SORCS1: variants seen among roughly 807,000 people sequenced by gnomAD.
SORCS1 encodes the protein VPS10 domain-containing receptor SorCS1.
SORCS1 carries 60 observed loss-of-function variants against 146.1 expected under a neutral mutation model. The ratio of observed to expected loss-of-function variants is 0.41; its 90% CI spans 0.33 to 0.51. The LOEUF (loss-of-function observed/expected upper bound fraction) is 0.51, where lower values mean the gene tolerates loss of function less well. Among genes scored for constraint, SORCS1 ranks in the 20% least tolerant of loss-of-function variants. The pLI is 0.21. For synonymous variants in SORCS1, 637 were observed against 584.0 expected, an observed-to-expected ratio of 1.09 and a Z score of -1.31; for missense variants, 1,352 against 1,487.6, an observed-to-expected ratio of 0.91 and a Z score of 1.50.
At chr10:106,805,751 A>C (rs1947129800) in intron 3 of SORCS1, among the ~76,000 whole-genome samples, 1 of 152,096 alleles carries the variant, frequency 6.6e-6, no homozygotes, top group Non-Finnish European at 1.5e-5. Context: ...ATAATGATGC[A>C]AAGGAAATAG....
chr10:106,948,955 T>C (rs1408186110), intron 2 of SORCS1, among the ~76,000 whole-genome samples: 1 of 150,946 alleles, frequency 6.6e-6, no homozygotes, highest in African/African-American at 2.5e-5. Flanking sequence ...AGAAAGACTC[T>C]GTATCCAAAA....
chr10:106,821,637 C>G (rs1948028961), intron 3 of SORCS1, among the ~76,000 whole-genome samples: 1 of 152,038 alleles, frequency 6.6e-6, no homozygotes, highest in Non-Finnish European at 1.5e-5. Flanking sequence ...ATACTTTGTA[C>G]TAGGCAGGGC....
intron 1 of SORCS1, among the ~76,000 whole-genome samples, chr10:107,014,594 C>G (rs1957822138): frequency 6.6e-6 from 1 of 152,142 alleles, no homozygotes; most frequent in South Asian, 2.1e-4. Flanking sequence ...AAGTGCGGCC[C>G]CTGGACCTAC....
intron 1 of SORCS1, among the ~76,000 whole-genome samples, chr10:107,026,591 C>G (rs1958415228): frequency 6.7e-6 from 1 of 150,368 alleles, no homozygotes; most frequent in Non-Finnish European, 1.5e-5. Flanking sequence ...ACACTCCAGC[C>G]TGGGCCACAG....
chr10:107,111,266 A>C (rs1021381647), intron 1 of SORCS1, among the ~76,000 whole-genome samples: 42 of 152,356 alleles, frequency 2.8e-4, no homozygotes, highest in African/African-American at 1.0e-3. Context: ...AGAATAAAAA[A>C]TAATCATCTT....
intron 23 of SORCS1, among the ~76,000 whole-genome samples, chr10:106,604,713 CT>C (rs1296424804): frequency 6.6e-6 from 1 of 152,092 alleles, no homozygotes; most frequent in African/African-American, 2.4e-5. Context: ...TGTTTTTTCC[CT>C]TATTCCCATC....
intron 1 of SORCS1, among the ~76,000 whole-genome samples, chr10:106,959,455 C>T (rs1478233969): frequency 6.6e-6 from 1 of 152,130 alleles, no homozygotes; most frequent in Non-Finnish European, 1.5e-5. Flanking sequence ...TACTGAACAA[C>T]GATGCATCCT....
chr10:106,957,335 G>A (rs555749597), intron 1 of SORCS1, among the ~76,000 whole-genome samples: 189 of 151,702 alleles, frequency 1.2e-3, no homozygotes, highest in Non-Finnish European at 2.3e-3. Flanking sequence ...CACCACGCCC[G>A]GCTAATTTTT....
intron 2 of SORCS1, among the ~76,000 whole-genome samples, chr10:106,892,848 AACTC>A (rs1370001321): frequency 4.6e-5 from 7 of 152,010 alleles, no homozygotes; most frequent in Non-Finnish European, 8.8e-5. Context: ...TAGTGTCTAA[AACTC>A]ACTCAATAAA....
At chr10:106,606,552 C>A (rs968092101) in intron 23 of SORCS1, among the ~76,000 whole-genome samples, 1 of 152,140 alleles carries the variant, frequency 6.6e-6, no homozygotes, top group African/African-American at 2.4e-5. Flanking sequence ...TTTTTTTCCA[C>A]TTGATATCAC....
At chr10:106,835,186 G>A (rs1156656821) in intron 2 of SORCS1, among the ~76,000 whole-genome samples, 1 of 152,134 alleles carries the variant, frequency 6.6e-6, no homozygotes, top group Non-Finnish European at 1.5e-5. Context: ...TTGAAAAAAG[G>A]ATCAGTATAG....
At chr10:106,831,017 AC>A in intron 2 of SORCS1, among the ~76,000 whole-genome samples, 1 of 152,120 alleles carries the variant, frequency 6.6e-6, no homozygotes, top group East Asian at 1.9e-4. Flanking sequence ...ACATAGTGAA[AC>A]CCTGTCTCTA....
Position 107,034,680 on chromosome 10 carries a change from C to CAAAAAAAAAAA in SORCS1, c.559-78111_559-78101dup, listed in dbSNP as rs553032484. Among the ~76,000 whole-genome samples, 57 of 13,792 alleles carry CAAAAAAAAAAA rather than the reference C, an allele frequency of 4.1e-3. 3 individuals are homozygous for CAAAAAAAAAAA. Among genetic ancestry groups the CAAAAAAAAAAA allele is most frequent in the African/African-American group, 0.015 (56 of 3,716 alleles). The allele number at this position is 13,792 out of a possible 152,430, so 9.0% of individuals were successfully genotyped here. ...GGGAAACATGAGCGAAACTCCATCT[C>CAAAAAAAAAAA]AAAAAAAAAAAAAAAAAAAAAAAAA... On this transcript the variant is annotated intron_variant, in intron 1 of 25. Coordinates refer to ENST00000263054, the MANE Select transcript of SORCS1 (RefSeq NM_052918.5).
chr10:107,026,755 C>T (rs779155861), intron 1 of SORCS1, among the ~76,000 whole-genome samples: 6 of 152,024 alleles, frequency 3.9e-5, no homozygotes, highest in Non-Finnish European at 5.9e-5. Context: ...CCTGCCATGC[C>T]ATGACCCTTC....
intron 1 of SORCS1, among the ~76,000 whole-genome samples, chr10:107,101,704 T>C (rs1012060577): frequency 1.3e-5 from 2 of 152,120 alleles, no homozygotes; most frequent in Admixed American, 6.6e-5. Flanking sequence ...AATTTAAGTA[T>C]GTCAAGCATA....
chr10:107,080,237 T>C (rs1244571356), intron 1 of SORCS1, among the ~76,000 whole-genome samples: 1 of 152,218 alleles, frequency 6.6e-6, no homozygotes, highest in Non-Finnish European at 1.5e-5. Context: ...TAAGCCATAA[T>C]GTTGTTTTGC....
intron 1 of SORCS1, among the ~76,000 whole-genome samples, chr10:106,999,697 C>A (rs1327956960): frequency 6.6e-6 from 1 of 152,204 alleles, no homozygotes; most frequent in Non-Finnish European, 1.5e-5. Flanking sequence ...CTGAGCCATT[C>A]TAGTTTCCAA....
intron 5 of SORCS1, among the ~76,000 whole-genome samples, chr10:106,736,731 G>A: frequency 6.6e-6 from 1 of 152,060 alleles, no homozygotes; most frequent in African/African-American, 2.4e-5. Context: ...CAAAGCAGCC[G>A]AAGGTGCCAT....
intron 9 of SORCS1, among the ~76,000 whole-genome samples, chr10:106,692,063 G>A (rs146241181): frequency 3.9e-5 from 6 of 152,014 alleles, no homozygotes; most frequent in African/African-American, 1.4e-4. Flanking sequence ...TTTGAAACAG[G>A]GTCTCTCTCT....
Sources: allele counts gnomAD v4.1 joint callset (sites outside exome capture counted in the v4.1 genomes callset), GRCh38; gene constraint gnomAD v4.1.1; transcripts MANE v1.5; gene names NCBI Gene and HGNC (gene_info 2026-07-23, HGNC 2026-07-21).